SLC35F1: variants seen among roughly 807,000 people sequenced by gnomAD.
SLC35F1 encodes the protein solute carrier family 35 member F1, also known as chromosome 6 open reading frame 169.
Under a neutral mutation model 48.7 loss-of-function variants are expected in SLC35F1, and 14 were observed. The observed-to-expected ratio is 0.29, with a 90% CI of 0.19 to 0.45. The LOEUF is 0.45. Ranked by LOEUF, SLC35F1 falls within the 20% of genes least tolerant of loss-of-function variation. The probability of loss-of-function intolerance (pLI) is 1.00; values close to 1 mark genes in which losing one functional copy is unlikely to be tolerated. For synonymous variants in SLC35F1, 190 were observed against 202.2 expected (o/e 0.94, Z 0.51); for missense variants, 404 against 500.0 (o/e 0.81, Z 1.83).
rs150737000 is a variant in SLC35F1 at position 118,158,609 on chromosome 6, C to T, written c.349+3989C>T. Among the ~76,000 whole-genome samples the T allele has an allele frequency of 3.8e-3, 579 of 152,290 alleles. 4 individuals are homozygous for T. Among genetic ancestry groups the T allele is most frequent in the African/African-American group, 0.014 (564 of 41,560 alleles). ...CACATTTAAAACAATGTGCTAAATG[C>T]AAGAAACCTTTCAAGAGCATTAAGG... On this transcript the variant is annotated intron_variant, in intron 2 of 7. Transcript: ENST00000360388.
At chr6:118,023,712 A>T (rs897320494) in intron 1 of SLC35F1, among the ~76,000 whole-genome samples, 1 of 152,138 alleles carries the variant, frequency 6.6e-6, no homozygotes, top group Admixed American at 6.5e-5. Flanking sequence ...CCCAAGCCAT[A>T]TTAATATTAA....
intron 3 of SLC35F1, among the ~76,000 whole-genome samples, chr6:118,252,517 G>T (rs528363129): frequency 3.9e-5 from 6 of 152,220 alleles, no homozygotes; most frequent in African/African-American, 1.4e-4. Context: ...AAAGCATTCT[G>T]CTTTGGTCAT....
intron 1 of SLC35F1, among the ~76,000 whole-genome samples, chr6:117,978,078 T>TC (rs889577352): frequency 3.3e-5 from 5 of 152,240 alleles, no homozygotes; most frequent in African/African-American, 1.2e-4. Context: ...GTCATTTTTT[T>TC]CAGAGTAAAT....
intron 1 of SLC35F1, among the ~76,000 whole-genome samples, chr6:118,120,819 A>C (rs1773543220): frequency 6.6e-6 from 1 of 152,164 alleles, no homozygotes; most frequent in Non-Finnish European, 1.5e-5. Flanking sequence ...AAATAATTTA[A>C]TAATGAAAAG....
At chr6:118,036,993 T>C (rs567907086) in intron 1 of SLC35F1, among the ~76,000 whole-genome samples, 1 of 152,226 alleles carries the variant, frequency 6.6e-6, no homozygotes, top group Non-Finnish European at 1.5e-5. Context: ...GAGGGTCTAT[T>C]ATCAAACACA....
intron 2 of SLC35F1, among the ~76,000 whole-genome samples, chr6:118,183,519 AAAG>A (rs1338773411): frequency 6.6e-6 from 1 of 152,100 alleles, no homozygotes; most frequent in African/African-American, 2.4e-5. Context: ...AATTAAAAAA[AAAG>A]AAATTGTTTC....
rs564816464 is a variant in SLC35F1, at chr6:118,120,174, T to C, written c.174-34271T>C. The stretch of plus-strand genomic sequence containing the variant: ...ATTATATTCAGAGAAAAACTTTTTT[T>C]TTAATCCTTTATGTCTGATAGATAA... On this transcript the variant is annotated intron_variant, in intron 1 of 7. Transcript: ENST00000360388. Among the ~76,000 whole-genome samples the C allele has an allele frequency of 2.6e-5, 4 of 152,296 alleles. No individual in the cohort carries two copies. In the South Asian group the frequency reaches 8.3e-4, roughly 32 times the overall value.
rs552548002 is a variant in SLC35F1, at chr6:118,234,213, A to G, written c.350-1296A>G. On this transcript the variant is annotated intron_variant, in intron 2 of 7. Transcript: ENST00000360388. ...GCAGCCTCTAAGATGGCCTCCAAGGATCTCTGCCTCCTGGTATTCACTCCC... is the reference window on the plus strand; with the variant it reads ...GCAGCCTCTAAGATGGCCTCCAAGGGTCTCTGCCTCCTGGTATTCACTCCC... Among the ~76,000 whole-genome samples, 135 of 152,184 alleles carry G rather than the reference A, an allele frequency of 8.9e-4. 1 individual carries two copies. Among genetic ancestry groups the G allele is most frequent in the Admixed American group, 4.5e-3 (69 of 15,280 alleles).
intron 2 of SLC35F1, among the ~76,000 whole-genome samples, chr6:118,216,849 C>T (rs1170383673): frequency 1.3e-5 from 2 of 152,104 alleles, no homozygotes; most frequent in Non-Finnish European, 2.9e-5. Context: ...ACAGTACCTA[C>T]CCAGATTTCC....
chr6:118,060,036 T>A (rs929594432), intron 1 of SLC35F1, among the ~76,000 whole-genome samples: 26 of 152,212 alleles, frequency 1.7e-4, no homozygotes, highest in Non-Finnish European at 2.5e-4. Context: ...TGGTATCTAA[T>A]TAGAGAGAAA....
intron 3 of SLC35F1, among the ~76,000 whole-genome samples, chr6:118,256,746 C>T (rs1023320531): frequency 6.6e-6 from 1 of 152,118 alleles, no homozygotes; most frequent in East Asian, 1.9e-4. Flanking sequence ...AGTACAGATG[C>T]TCCTGGACTT....
At chr6:117,923,436 C>T (rs1164650433) in intron 1 of SLC35F1, among the ~76,000 whole-genome samples, 1 of 150,298 alleles carries the variant, frequency 6.7e-6, no homozygotes, top group Non-Finnish European at 1.5e-5. Flanking sequence ...TTCAGTTTAA[C>T]TTGATAGGTT....
intron 3 of SLC35F1, among the ~76,000 whole-genome samples, chr6:118,245,627 C>A (rs973041269): frequency 3.3e-5 from 5 of 152,192 alleles, no homozygotes; most frequent in Non-Finnish European, 5.9e-5. Context: ...TGGTTTCCAA[C>A]CTTTGTGATT....
chr6:118,142,674 A>G (rs945680504), intron 1 of SLC35F1, among the ~76,000 whole-genome samples: 1 of 152,172 alleles, frequency 6.6e-6, no homozygotes, highest in African/African-American at 2.4e-5. Flanking sequence ...TTCTTATAGA[A>G]GACCTTTTCG....
chr6:118,291,883 T>C (rs1776128261), intron 7 of SLC35F1, among the ~76,000 whole-genome samples: 1 of 152,132 alleles, frequency 6.6e-6, no homozygotes, highest in Admixed American at 6.5e-5. Flanking sequence ...TTTGGGAGGC[T>C]GAGGCAGGTG....
At chr6:118,282,120 A>T (rs1364419448) in intron 6 of SLC35F1, among the ~76,000 whole-genome samples, 1 of 152,238 alleles carries the variant, frequency 6.6e-6, no homozygotes, top group Admixed American at 6.5e-5. Context: ...TGTAGTTGTC[A>T]GTCAAAAAGT....
At chr6:118,309,420 A>G (rs1776349033) in intron 7 of SLC35F1, among the ~76,000 whole-genome samples, 1 of 152,110 alleles carries the variant, frequency 6.6e-6, no homozygotes, top group Non-Finnish European at 1.5e-5. Context: ...GGAAAAAGGA[A>G]AAAACCAGGC....
chr6:118,310,948 C>G (rs1228665304), intron 7 of SLC35F1, among the ~76,000 whole-genome samples: 1 of 152,158 alleles, frequency 6.6e-6, no homozygotes, highest in Non-Finnish European at 1.5e-5. Flanking sequence ...TTGATCAAGT[C>G]TAAAATCATA....
At chr6:118,245,911 TC>T (rs1406941826) in intron 3 of SLC35F1, among the ~76,000 whole-genome samples, 1 of 152,172 alleles carries the variant, frequency 6.6e-6, no homozygotes, top group African/African-American at 2.4e-5. Context: ...AGAGGGCACA[TC>T]TTGGGCACAT....
Sources: gnomAD v4.1 joint callset for allele counts (sites outside exome capture counted in the v4.1 genomes callset) on GRCh38, gnomAD v4.1.1 for gene constraint, MANE v1.5 for transcripts, NCBI Gene and HGNC (gene_info 2026-07-23, HGNC 2026-07-21) for gene names.